Variants in FAM13A observed in about 807,000 individuals in gnomAD.
The protein encoded by FAM13A is family with sequence similarity 13 member A.
In FAM13A, 76 loss-of-function variants were observed where a neutral mutation model predicts 129.6. That is an observed-to-expected ratio of 0.59 (90% CI 0.49 to 0.71). The LOEUF is 0.71. Ranked by LOEUF, FAM13A falls within the 30% of genes least tolerant of loss-of-function variation. The pLI, the probability that FAM13A is intolerant of heterozygous loss-of-function variation, is 0.00. For missense variants in FAM13A, 1,108 were observed against 1,249.3 expected (o/e 0.89, Z 1.70); for synonymous variants, 443 against 449.9 (o/e 0.98, Z 0.20).
At chr4:88,920,001 C>T (rs571565425) in intron 5 of FAM13A, among the ~76,000 whole-genome samples, 11 of 152,266 alleles carry the variant, frequency 7.2e-5, no homozygotes, top group South Asian at 6.2e-4. Context: ...GGGGGATGGG[C>T]GCCTGCCATT....
chr4:88,803,483 G>C (rs1022215299), intron 8 of FAM13A, among the ~76,000 whole-genome samples: 4 of 151,898 alleles, frequency 2.6e-5, no homozygotes, highest in Non-Finnish European at 4.4e-5. Flanking sequence ...CTCATTCGTT[G>C]GCATGAACCA....
intron 13 of FAM13A, 42 bp downstream of exon 13, chr4:88,767,511 A>T (rs1745909496): frequency 6.7e-7 from 1 of 1,495,138 alleles, no homozygotes; most frequent in African/African-American, 1.4e-5. Flanking sequence ...GAGTGTATGA[A>T]CAGCCCCGTC....
chr4:88,969,359 T>C (rs559246659), intron 4 of FAM13A, among the ~76,000 whole-genome samples: 2 of 152,304 alleles, frequency 1.3e-5, no homozygotes, highest in South Asian at 4.1e-4. Flanking sequence ...TGTTTGCCAA[T>C]ACAGGATGAA....
intron 2 of FAM13A, among the ~76,000 whole-genome samples, chr4:89,028,002 C>G (rs562396316): frequency 4.0e-5 from 6 of 149,752 alleles, no homozygotes; most frequent in Non-Finnish European, 8.9e-5. Context: ...GTCAGGAGTT[C>G]AAGACCAACC....
At chr4:88,953,348 G>C (rs538930099) in intron 4 of FAM13A, among the ~76,000 whole-genome samples, 1 of 151,812 alleles carries the variant, frequency 6.6e-6, no homozygotes, top group East Asian at 2.0e-4. Flanking sequence ...CCAGCTACTC[G>C]GGAGGCTGAG....
intron 14 of FAM13A, among the ~76,000 whole-genome samples, chr4:88,752,495 TAAA>T (rs1337907272): frequency 1.3e-5 from 2 of 152,222 alleles, no homozygotes; most frequent in Non-Finnish European, 2.9e-5. Flanking sequence ...GAAATGCAGA[TAAA>T]AATACAAATA....
rs530182193 is a variant in FAM13A, at chr4:88,989,054, C to T, written c.605+1919G>A. ...GAAACCCCGTCTCTACTAAAAACCC[C>T]AAAATTAGCCGGGCATGATGGTGGG... On this transcript the variant is annotated intron_variant, in intron 4 of 23. Transcript: ENST00000264344. 6.2e-5 allele frequency among the ~76,000 whole-genome samples: 9 copies of T among 145,758 alleles called. No homozygotes were observed. In the South Asian group the frequency reaches 1.8e-3, roughly 29 times the overall value.
chr4:88,809,514 AAAAAC>A (rs1442166428), intron 7 of FAM13A, among the ~76,000 whole-genome samples: 1 of 152,182 alleles, frequency 6.6e-6, no homozygotes, highest in Non-Finnish European at 1.5e-5. Context: ...ATGAGGCTTA[AAAAAC>A]AAAACAAGGA....
At chr4:88,918,224 G>A (rs1263798996) in intron 5 of FAM13A, among the ~76,000 whole-genome samples, 6 of 152,222 alleles carry the variant, frequency 3.9e-5, no homozygotes, top group Middle Eastern at 3.4e-3. Context: ...AATTGAAATC[G>A]TGCAGCATTG....
chr4:88,875,958 G>T (rs1441754324), intron 6 of FAM13A, among the ~76,000 whole-genome samples: 1 of 152,166 alleles, frequency 6.6e-6, no homozygotes, highest in Non-Finnish European at 1.5e-5. Flanking sequence ...ATACTATGCA[G>T]CCACAAAAAA....
At position 88,933,797 on chromosome 4, in the gene FAM13A, A is replaced by G. The variant is rs143115604; in HGVS notation, c.759+4291T>C. Among the ~76,000 whole-genome samples, 590 of 152,262 alleles carry G rather than the reference A, an allele frequency of 3.9e-3. 1 individual carries two copies. The highest frequency in any genetic ancestry group is 7.0e-3 in the Non-Finnish European group (476 of 68,022). On this transcript the variant is annotated intron_variant, in intron 5 of 23. Coordinates refer to ENST00000264344, the MANE Select transcript of FAM13A (RefSeq NM_014883.4). ...CTAATACATTGCCCTACTTCTGCCT[A>G]TCCCTTTCAAGAACCTAGTAATCTT...
intron 4 of FAM13A, among the ~76,000 whole-genome samples, chr4:88,964,179 T>C (rs1291011978): frequency 6.6e-6 from 1 of 152,210 alleles, no homozygotes; most frequent in Non-Finnish European, 1.5e-5. Flanking sequence ...AAGAGTTAAC[T>C]TAATGTATAT....
At chr4:89,008,134 C>T (rs999172308) in intron 3 of FAM13A, among the ~76,000 whole-genome samples, 20 of 152,194 alleles carry the variant, frequency 1.3e-4, no homozygotes, top group African/African-American at 3.4e-4. Context: ...CATCCCACTG[C>T]AGGCTTTTTT....
intron 3 of FAM13A, among the ~76,000 whole-genome samples, chr4:89,015,055 A>C (rs754134686): frequency 6.6e-6 from 1 of 152,136 alleles, no homozygotes; most frequent in African/African-American, 2.4e-5. Context: ...CGCTCTGGGA[A>C]TATCTGTCTT....
At chr4:88,738,886 C>A in intron 20 of FAM13A, 144 bp downstream of exon 20, 1 of 620,990 alleles carries the variant, frequency 1.6e-6, no homozygotes, top group South Asian at 2.0e-5. Flanking sequence ...ATTCCTCAAG[C>A]TTGTGGGCCA....
intron 5 of FAM13A, among the ~76,000 whole-genome samples, chr4:88,920,158 G>C (rs1750803603): frequency 1.3e-5 from 2 of 152,214 alleles, no homozygotes; most frequent in African/African-American, 4.8e-5. Context: ...AACCTCTGCA[G>C]ACTTAAATGT....
At chr4:88,975,802 C>T (rs971251562) in intron 4 of FAM13A, among the ~76,000 whole-genome samples, 1 of 152,172 alleles carries the variant, frequency 6.6e-6, no homozygotes, top group African/African-American at 2.4e-5. Context: ...ATTAATTCCA[C>T]AAATAACCCG....
intron 6 of FAM13A, among the ~76,000 whole-genome samples, chr4:88,896,112 C>T (rs13143490): frequency 0.57 from 85,142 of 150,542 alleles, 24,160 homozygotes; most frequent in Admixed American, 0.6. Context: ...TAGTTCATGT[C>T]CTTTGTAGGG....
At chr4:89,028,131 G>A (rs1188389997) in intron 2 of FAM13A, among the ~76,000 whole-genome samples, 1 of 150,498 alleles carries the variant, frequency 6.6e-6, no homozygotes, top group Admixed American at 6.6e-5. Flanking sequence ...GCTTGAACCC[G>A]GGAGGTAGAG....
Sources: allele counts gnomAD v4.1 joint callset (sites outside exome capture counted in the v4.1 genomes callset), GRCh38; gene constraint gnomAD v4.1.1; transcripts MANE v1.5; gene names NCBI Gene and HGNC (gene_info 2026-07-23, HGNC 2026-07-21).